DNAAF11: variants seen among roughly 807,000 people sequenced by gnomAD.
DNAAF11 encodes leucine rich repeat containing 6.
A neutral mutation model predicts 60.8 loss-of-function variants in DNAAF11; 45 were observed. The ratio of observed to expected loss-of-function variants is 0.74; its 90% CI spans 0.58 to 0.95. The LOEUF is 0.95. Ranked by LOEUF, DNAAF11 falls within the 40% of genes least tolerant of loss-of-function variation. The pLI is 0.00. For synonymous variants in DNAAF11, 191 were observed against 183.5 expected (o/e 1.04, Z -0.33); for missense variants, 546 against 546.2 (o/e 1.00, Z 0.00).
At chr8:132,644,183 T>C (rs1030713774) in intron 3 of DNAAF11, among the ~76,000 whole-genome samples, 1 of 152,212 alleles carries the variant, frequency 6.6e-6, no homozygotes, top group African/African-American at 2.4e-5. Context: ...TTTTAAATTA[T>C]TCTTTCCTCC....
At chr8:132,654,171 T>C (rs769400096) in intron 3 of DNAAF11, among the ~76,000 whole-genome samples, 38 of 151,992 alleles carry the variant, frequency 2.5e-4, no homozygotes, top group Non-Finnish European at 5.0e-4. Flanking sequence ...ATTGTAACTA[T>C]AGACAAAAAA....
At position 132,583,548 on chromosome 8, in the gene DNAAF11, G is replaced by C. The variant is rs189877432; in HGVS notation, c.1226+146C>G. On this transcript the variant is annotated intron_variant, in intron 11 of 11. Transcript: ENST00000620350. ...GAGCCCTACAAAGCAAGAGTCTACG[G>C]TTTGGGAAATAAACATTAACATTCA... The C allele has an allele frequency of 3.7e-4, 240 of 652,386 alleles. No homozygotes were observed. The African/African-American group carries it at 4.2e-3, about 11-fold the overall frequency. The allele number at this position is 652,386 out of a possible 1,614,324, so 40.4% of individuals were successfully genotyped here. A position where few individuals can be genotyped will look rare whatever the true frequency, so the allele number is the denominator to read the frequency against.
At chr8:132,677,445 A>G (rs1586769423), upstream of DNAAF11, among the ~76,000 whole-genome samples, 1 of 152,092 alleles carries the variant, frequency 6.6e-6, no homozygotes, top group Non-Finnish European at 1.5e-5. Flanking sequence ...AAAAAAAATA[A>G]TAAAGGATCT....
intron 11 of DNAAF11, 68 bp from the exon 12 acceptor site, chr8:132,572,548 T>C: frequency 8.4e-7 from 1 of 1,189,032 alleles, no homozygotes; most frequent in Non-Finnish European, 1.2e-6. Context: ...CAGATTCAAC[T>C]CACCCATCCA....
intron 10 of DNAAF11, chr8:132,608,577 T>G (rs1489161059): frequency 2.5e-6 from 1 of 406,578 alleles, no homozygotes; most frequent in Non-Finnish European, 5.0e-6. Context: ...ACAAATCATC[T>G]GTCTTGATTT....
At chr8:132,591,650 TCTTAA>T (rs1179193156) in intron 10 of DNAAF11, among the ~76,000 whole-genome samples, 3 of 152,064 alleles carry the variant, frequency 2.0e-5, no homozygotes, top group East Asian at 1.9e-4. Flanking sequence ...AAAAATTATA[TCTTAA>T]CTTGTTTATT....
rs372334266 is a variant in DNAAF11, at chr8:132,624,944, CA to C, written c.836+327del. Among the ~76,000 whole-genome samples the C allele has an allele frequency of 5.7e-3, 872 of 152,202 alleles. 13 individuals carry two copies. The highest frequency in any genetic ancestry group is 0.02 in the African/African-American group (839 of 41,534). On this transcript the variant is annotated intron_variant, in intron 6 of 11. Coordinates refer to ENST00000620350, the MANE Select transcript of DNAAF11 (RefSeq NM_012472.6). ...CTCAAAAAGGAGCCCATTCATTCCA[CA>C]AAATGACCTTTTTCTAGGCTAGAAA...
chr8:132,593,332 CATATATATAT>C (rs60462067), intron 10 of DNAAF11, among the ~76,000 whole-genome samples: 35 of 108,704 alleles, frequency 3.2e-4, no homozygotes, highest in African/African-American at 7.1e-4. Context: ...TATATACATA[CATATATATAT>C]ATATATATAT....
rs1173274398 is a variant in DNAAF11 at position 132,572,180 on chromosome 8, A to G, written c.*126T>C. ...ATATTACTATGCAAAGTAAGAGTTA[A>G]AACACTGGAGCAGCGATATTGACAA... On this transcript the variant is annotated 3_prime_UTR_variant, in exon 12 of 12. Coordinates refer to ENST00000620350, the MANE Select transcript of DNAAF11 (RefSeq NM_012472.6). 6.7e-6 allele frequency: 5 copies of G among 743,172 alleles called. No individual in the cohort carries two copies. The highest frequency in any genetic ancestry group is 2.4e-5 in the South Asian group (1 of 42,246). The allele number at this position is 743,172 out of a possible 1,614,324, so 46.0% of individuals were successfully genotyped here. A position where few individuals can be genotyped will look rare whatever the true frequency, so the allele number is the denominator to read the frequency against.
At chr8:132,668,644 G>A (rs547044492) in intron 1 of DNAAF11, among the ~76,000 whole-genome samples, 3 of 151,950 alleles carry the variant, frequency 2.0e-5, no homozygotes, top group Admixed American at 6.6e-5. Flanking sequence ...GGGTTTCACC[G>A]TGTTAGCCAG....
Position 132,609,496 on chromosome 8 carries a change from T to C in DNAAF11, c.1140+670A>G, listed in dbSNP as rs181960445. Among the ~76,000 whole-genome samples the C allele has an allele frequency of 7.6e-4, 116 of 152,304 alleles. 3 individuals carry two copies. The highest frequency in any genetic ancestry group is 2.8e-3 in the African/African-American group (115 of 41,568). ...CTTTTTGGCTAGAGATTGGTTTTAA[T>C]GGTTCAGGATTATGGTAATCAAGAC... On this transcript the variant is annotated intron_variant, in intron 10 of 11. Coordinates refer to ENST00000620350, the MANE Select transcript of DNAAF11 (RefSeq NM_012472.6).
intron 10 of DNAAF11, among the ~76,000 whole-genome samples, chr8:132,597,853 T>C (rs975492803): frequency 5.3e-5 from 8 of 152,164 alleles, no homozygotes; most frequent in African/African-American, 1.9e-4. Flanking sequence ...CTTAGTGGGG[T>C]TGGGGGGGAA....
At chr8:132,590,797 A>G (rs2131070625) in intron 10 of DNAAF11, among the ~76,000 whole-genome samples, 1 of 152,336 alleles carries the variant, frequency 6.6e-6, no homozygotes, top group East Asian at 1.9e-4. Flanking sequence ...TATACAACCC[A>G]CATTTACAAG....
Position 132,649,779 on chromosome 8 carries a change from A to T in DNAAF11, c.256+7051T>A, listed in dbSNP as rs1210461284. On this transcript the variant is annotated intron_variant, in intron 3 of 11. Coordinates refer to ENST00000620350, the MANE Select transcript of DNAAF11 (RefSeq NM_012472.6). ...GACGCATGAAAAAATGCTCATCATC[A>T]CTGGCCATCAGAGAAATGCAAATCA... 3.3e-5 allele frequency among the ~76,000 whole-genome samples: 5 copies of T among 152,354 alleles called. No individual in the cohort carries two copies. In the East Asian group the frequency reaches 9.6e-4, roughly 29 times the overall value.
rs572747726 is a variant in DNAAF11, at chr8:132,650,799, A to G, written c.256+6031T>C. 5.9e-5 allele frequency among the ~76,000 whole-genome samples: 9 copies of G among 152,248 alleles called. No homozygotes were observed. In the South Asian group the frequency reaches 1.9e-3, roughly 32 times the overall value. On this transcript the variant is annotated intron_variant, in intron 3 of 11. Transcript: ENST00000620350. ...AGGCTCCGGAAGACATTTTAATTACATTTTTCTTTCATATAAGAAAAGACT... is the reference window on the plus strand; with the variant it reads ...AGGCTCCGGAAGACATTTTAATTACGTTTTTCTTTCATATAAGAAAAGACT...
chr8:132,619,898 C>A (rs1166773081), intron 7 of DNAAF11, among the ~76,000 whole-genome samples: 13 of 152,234 alleles, frequency 8.5e-5, no homozygotes, highest in Non-Finnish European at 7.4e-5. Context: ...TCACCGTCAG[C>A]AGCAGGAGAG....
At chr8:132,655,167 G>A (rs1256145635) in intron 3 of DNAAF11, among the ~76,000 whole-genome samples, 1 of 151,814 alleles carries the variant, frequency 6.6e-6, no homozygotes, top group Non-Finnish European at 1.5e-5. Flanking sequence ...AAGTGAAATA[G>A]ATAAATTCTA....
rs571452762 is a variant in DNAAF11 at position 132,660,233 on chromosome 8, T to C, written c.178+1227A>G. Among the ~76,000 whole-genome samples, 34 of 152,322 alleles carry C rather than the reference T, an allele frequency of 2.2e-4. 2 individuals carry two copies. The South Asian group carries it at 6.8e-3, about 31-fold the overall frequency. On this transcript the variant is annotated intron_variant, in intron 2 of 11. Coordinates refer to ENST00000620350, the MANE Select transcript of DNAAF11 (RefSeq NM_012472.6). ...CCTGTAATGAGTACTTATCTTTTTT[T>C]TTTTTAATTATACTTTAAGTTTTAG...
intron 11 of DNAAF11, among the ~76,000 whole-genome samples, chr8:132,573,942 A>G (rs1221446911): frequency 6.6e-6 from 1 of 152,202 alleles, no homozygotes; most frequent in African/African-American, 2.4e-5. Flanking sequence ...GAAGGAGAAG[A>G]AATGGAAAAG....
Sources: allele counts gnomAD v4.1 joint callset (sites outside exome capture counted in the v4.1 genomes callset), GRCh38; gene constraint gnomAD v4.1.1; transcripts MANE v1.5; gene names NCBI Gene and HGNC (gene_info 2026-07-23, HGNC 2026-07-21).